The following TMEM131L variants were observed in gnomAD, a reference collection of about 807,000 sequenced individuals.
TMEM131L encodes transmembrane 131 like.
Under a neutral mutation model 192.2 loss-of-function variants are expected in TMEM131L, and 54 were observed. The observed-to-expected ratio is 0.28, with a 90% CI of 0.23 to 0.35. The LOEUF (loss-of-function observed/expected upper bound fraction) is 0.35. Ranked by LOEUF, TMEM131L falls within the 10% of genes least tolerant of loss-of-function variation. TMEM131L has a pLI of 1.00. For synonymous variants in TMEM131L, 701 were observed against 704.9 expected (o/e 0.99, Z 0.09); for missense variants, 1,888 against 1,972.9 (o/e 0.96, Z 0.82).
intron 11 of TMEM131L, 62 bp downstream of exon 11, chr4:153,583,734 C>A: frequency 1.1e-6 from 1 of 903,606 alleles, no homozygotes; most frequent in East Asian, 2.4e-5. Context: ...GATGGCAACT[C>A]TTTCTACAAC....
rs374384670 is a variant in TMEM131L at position 153,581,083 on chromosome 4, C to T, written c.738+180C>T. Among the ~76,000 whole-genome samples, 74 of 152,290 alleles carry T rather than the reference C, an allele frequency of 4.9e-4. 3 individuals are homozygous for T. The highest frequency in any genetic ancestry group is 1.6e-3 in the African/African-American group (66 of 41,572). On this transcript the variant is annotated intron_variant, in intron 8 of 34. Coordinates refer to ENST00000409959, the MANE Select transcript of TMEM131L (RefSeq NM_001131007.2). ...CCTGGCTAACACGGTGAAACTCCGTCTCTACTAAAAATACAAAAAAATTAG... is the reference window on the plus strand; with the variant it reads ...CCTGGCTAACACGGTGAAACTCCGTTTCTACTAAAAATACAAAAAAATTAG...
At chr4:153,479,514 C>T (rs1217883363) in intron 3 of TMEM131L, among the ~76,000 whole-genome samples, 2 of 151,920 alleles carry the variant, frequency 1.3e-5, no homozygotes, top group Non-Finnish European at 2.9e-5. Context: ...TCTGGTAAGC[C>T]TTTTTTTGAG....
chr4:153,488,207 A>G (rs1017349779), intron 3 of TMEM131L, among the ~76,000 whole-genome samples: 52 of 152,040 alleles, frequency 3.4e-4, no homozygotes, highest in African/African-American at 1.3e-3. Flanking sequence ...TGTGTGTAAG[A>G]GAGAATGAGG....
At chr4:153,544,546 A>C (rs1580179319) in intron 3 of TMEM131L, among the ~76,000 whole-genome samples, 1 of 149,632 alleles carries the variant, frequency 6.7e-6, no homozygotes. Flanking sequence ...CACTCTCCTC[A>C]CTCCACCCCT....
chr4:153,612,221 C>A, intron 25 of TMEM131L, 31 bp from the exon 26 acceptor site: 1 of 1,478,764 alleles, frequency 6.8e-7, no homozygotes. Flanking sequence ...AAACTATTAG[C>A]TAGAAATTGA....
intron 3 of TMEM131L, among the ~76,000 whole-genome samples, chr4:153,509,365 CA>C (rs35715077): frequency 0.19 from 25,856 of 135,616 alleles, 3,642 homozygotes; most frequent in African/African-American, 0.4. Context: ...GACCCTGTCT[CA>C]AAAAAAAAAA....
At chr4:153,549,513 C>T in intron 3 of TMEM131L, among the ~76,000 whole-genome samples, 1 of 151,854 alleles carries the variant, frequency 6.6e-6, no homozygotes, top group East Asian at 1.9e-4. Context: ...ATATGTTTTT[C>T]TGCTATATTG....
At position 153,466,506 on chromosome 4, in the gene TMEM131L, G is replaced by A; in HGVS notation, c.109G>A (p.Gly37Arg). ...CCTGCTGCCCTGCTGTCGCCCGGGA[G>A]GGGCTCAGGGACAAGGTCAGCCTTG... The part of the protein sequence containing the change: ...QVLLPCCRPG[G>R]AQGQAIEPLP... The change falls in exon 1 of 35, where the codon GGG becomes AGG. Residue 37 changes from glycine to arginine, a missense_variant. Gly to Arg is a moderately radical substitution (Grantham distance 125). Coordinates refer to ENST00000409959, the MANE Select transcript of TMEM131L (RefSeq NM_001131007.2). The A allele has an allele frequency of 7.1e-7, 1 of 1,402,000 alleles. No individual in the cohort carries two copies. Among genetic ancestry groups the A allele is most frequent in the South Asian group, 1.5e-5 (1 of 64,870 alleles). 86.8% of individuals were successfully genotyped at this position (1,402,000 alleles called of 1,614,324 possible).
chr4:153,603,668 G>C (rs1338045835), intron 24 of TMEM131L, 134 bp from the exon 25 acceptor site: 1 of 1,103,920 alleles, frequency 9.1e-7, no homozygotes, highest in Non-Finnish European at 1.3e-6. Flanking sequence ...GAAAACTCTT[G>C]GAGCTTTGGA....
intron 25 of TMEM131L, among the ~76,000 whole-genome samples, chr4:153,605,130 C>T (rs1732130961): frequency 1.3e-5 from 2 of 152,118 alleles, no homozygotes; most frequent in African/African-American, 2.4e-5. Context: ...GTTGCCTGGC[C>T]CTGGTTCTTC....
chr4:153,560,849 G>C (rs1264207784), intron 7 of TMEM131L, among the ~76,000 whole-genome samples: 1 of 152,206 alleles, frequency 6.6e-6, no homozygotes, highest in African/African-American at 2.4e-5. Context: ...ACATTCTTGT[G>C]TAAGTTTGGG....
At chr4:153,562,865 G>A (rs1053277676) in intron 7 of TMEM131L, among the ~76,000 whole-genome samples, 8 of 152,168 alleles carry the variant, frequency 5.3e-5, no homozygotes, top group Admixed American at 2.0e-4. Context: ...TTTTATGTAC[G>A]TCAGTTGAAT....
chr4:153,634,753 T>C (rs1734455708), intron 33 of TMEM131L, among the ~76,000 whole-genome samples: 1 of 152,108 alleles, frequency 6.6e-6, no homozygotes, highest in African/African-American at 2.4e-5. Context: ...TGTGGAAAAT[T>C]GCAGATGCTT....
In TMEM131L at chr4:153,479,477, A is replaced by G. The variant is rs560181809; in HGVS notation, c.239+5589A>G. ...ACTAGAACTGAATGCCCTGGGAAGC[A>G]TGTCTGGCTCTCTGTATATATCTCT... On this transcript the variant is annotated intron_variant, in intron 3 of 34. Transcript: ENST00000409959. 3.3e-5 allele frequency among the ~76,000 whole-genome samples: 5 copies of G among 152,336 alleles called. No individual in the cohort carries two copies. In the East Asian group the frequency reaches 9.6e-4, roughly 29 times the overall value.
intron 3 of TMEM131L, among the ~76,000 whole-genome samples, chr4:153,523,279 A>G (rs1170318858): frequency 8.5e-5 from 13 of 152,206 alleles, no homozygotes; most frequent in Non-Finnish European, 1.8e-4. Flanking sequence ...AAGTGGAAGT[A>G]TTTGTGAAAC....
chr4:153,603,592 C>T, intron 24 of TMEM131L, 140 bp downstream of exon 24: 1 of 1,048,536 alleles, frequency 9.5e-7, no homozygotes, highest in East Asian at 2.6e-5. Context: ...ATGTGAACAG[C>T]TGCCCCATTA....
intron 3 of TMEM131L, among the ~76,000 whole-genome samples, chr4:153,525,870 T>TA (rs1256991517): frequency 1.3e-5 from 2 of 152,048 alleles, no homozygotes; most frequent in Admixed American, 1.3e-4. Flanking sequence ...TTTTTATTTT[T>TA]TTTTTGAGAT....
intron 2 of TMEM131L, among the ~76,000 whole-genome samples, chr4:153,469,172 A>G (rs1211732003): frequency 6.6e-6 from 1 of 152,242 alleles, no homozygotes; most frequent in Non-Finnish European, 1.5e-5. Flanking sequence ...AGAGGGATTT[A>G]TAGCTAAGCT....
chr4:153,501,966 T>TA (rs1554022651), intron 3 of TMEM131L, among the ~76,000 whole-genome samples: 7 of 148,364 alleles, frequency 4.7e-5, no homozygotes, highest in Non-Finnish European at 1.0e-4. Flanking sequence ...TTTTTTTTTT[T>TA]AAATGGAGAC....
Sources: gnomAD v4.1 joint callset for allele counts (sites outside exome capture counted in the v4.1 genomes callset) on GRCh38, gnomAD v4.1.1 for gene constraint, MANE v1.5 for transcripts, NCBI Gene and HGNC (gene_info 2026-07-23, HGNC 2026-07-21) for gene names.